The following ZMYM2 variants were observed in gnomAD, a reference collection of about 807,000 sequenced individuals.
ZMYM2 encodes the protein zinc finger MYM-type containing 2, also known as zinc finger MYM-type protein 2.
Under a neutral mutation model 162.8 loss-of-function variants are expected in ZMYM2, and 56 were observed. The ratio of observed to expected loss-of-function variants is 0.34; its 90% CI spans 0.28 to 0.43. The LOEUF is 0.43. ZMYM2 is among the 20% of genes least tolerant of loss of function. ZMYM2 has a pLI of 1.00. For synonymous variants in ZMYM2, 510 were observed against 541.6 expected (o/e 0.94, Z 0.81); for missense variants, 1,275 against 1,621.8 (o/e 0.79, Z 3.67).
At chr13:19,983,596 C>T (rs986908272) in intron 2 of ZMYM2, among the ~76,000 whole-genome samples, 2 of 151,866 alleles carry the variant, frequency 1.3e-5, no homozygotes, top group South Asian at 4.2e-4. Flanking sequence ...TCCTATAATT[C>T]CTTCTTCCTA....
chr13:19,883,926 T>G, the ZMYM2 span, among the ~76,000 whole-genome samples: 638 of 152,294 alleles, frequency 4.2e-3, 6 homozygotes, highest in African/African-American at 0.015. Flanking sequence ...CTGGCTAATT[T>G]CTGTATTTTT....
the ZMYM2 span, among the ~76,000 whole-genome samples, chr13:19,937,933 C>A: frequency 6.6e-6 from 1 of 151,868 alleles, no homozygotes; most frequent in Non-Finnish European, 1.5e-5. Flanking sequence ...ATGATGGTTT[C>A]CAGTTTCATC....
chr13:20,034,275 A>T lies in ZMYM2; in HGVS notation c.1990A>T (p.Ser664Cys). 6.2e-7 allele frequency: 1 copy of T among 1,604,976 alleles called. No homozygotes were observed. The highest frequency in any genetic ancestry group is 8.5e-7 in the Non-Finnish European group (1 of 1,176,598). ...TTAGAACAAAGTGCATCAGTTCTGCAGCAAAACTTGTTCAGATGACTATAA... is the reference window on the plus strand; with the variant it reads ...TTAGAACAAAGTGCATCAGTTCTGCTGCAAAACTTGTTCAGATGACTATAA... Reference protein sequence around the residue: ...EWENKVHQFCSKTCSDDYKKL... With the variant: ...EWENKVHQFCCKTCSDDYKKL... The change falls in exon 11 of 25, where the codon AGC becomes TGC. Residue 664 changes from serine (S) to cysteine (C), a missense_variant. By Grantham distance (112) the Ser-to-Cys change is moderately radical. Coordinates refer to ENST00000610343, the MANE Select transcript of ZMYM2 (RefSeq NM_197968.4).
chr13:19,873,655 C>T, the ZMYM2 span, among the ~76,000 whole-genome samples: 2 of 152,170 alleles, frequency 1.3e-5, no homozygotes, highest in African/African-American at 2.4e-5. Flanking sequence ...GATCCACCCA[C>T]CTTGGCCTCC....
At chr13:19,870,595 C>CCTTCCTTCCTTCCTTTCTTT in the ZMYM2 span, among the ~76,000 whole-genome samples, 61 of 142,822 alleles carry the variant, frequency 4.3e-4, 1 homozygote, top group African/African-American at 1.4e-3. Context: ...TTCCTTCCTT[C>CCTTCCTTCCTTCCTTTCTTT]CTTTCTTTCT....
the ZMYM2 span, among the ~76,000 whole-genome samples, chr13:19,922,791 C>T: frequency 6.6e-6 from 1 of 152,062 alleles, no homozygotes; most frequent in African/African-American, 2.4e-5. Flanking sequence ...TTACAGTGAG[C>T]CGAGATCCCA....
At chr13:19,880,939 A>G in the ZMYM2 span, among the ~76,000 whole-genome samples, 1 of 150,618 alleles carries the variant, frequency 6.6e-6, no homozygotes, top group Non-Finnish European at 1.5e-5. Context: ...CCCAGGCTGG[A>G]GTGCCATGGC....
intron 12 of ZMYM2, among the ~76,000 whole-genome samples, chr13:20,047,717 C>T (rs1206189210): frequency 6.6e-6 from 1 of 152,036 alleles, no homozygotes; most frequent in Non-Finnish European, 1.5e-5. Context: ...ACTGAATGAG[C>T]TGTGTTTTCT....
chr13:19,952,024 G>A, the ZMYM2 span, among the ~76,000 whole-genome samples: 1 of 152,098 alleles, frequency 6.6e-6, no homozygotes, highest in Non-Finnish European at 1.5e-5. Context: ...AGAAAATGTG[G>A]CATATATACA....
In ZMYM2 at chr13:20,086,529, T is replaced by G. The variant is rs916214822; in HGVS notation, c.*515T>G. On this transcript the variant is annotated 3_prime_UTR_variant, in exon 25 of 25. Coordinates refer to ENST00000610343, the MANE Select transcript of ZMYM2 (RefSeq NM_197968.4). The stretch of plus-strand genomic sequence containing the variant: ...GTTTTGGGGTTTTGTTTTGTTTGGT[T>G]TTACATTTTAGTTACTGAAGCCTTA... The G allele has an allele frequency of 4.7e-6, 1 of 214,244 alleles. No homozygotes were observed. The highest frequency in any genetic ancestry group is 2.3e-5 in the African/African-American group (1 of 44,308). 13.3% of individuals were successfully genotyped at this position (214,244 alleles called of 1,614,324 possible). A position where few individuals can be genotyped will look rare whatever the true frequency, so the allele number is the denominator to read the frequency against.
intron 15 of ZMYM2, 75 bp downstream of exon 15, chr13:20,058,779 A>G: frequency 2.6e-6 from 4 of 1,557,562 alleles, no homozygotes; most frequent in Non-Finnish European, 3.5e-6. Context: ...CTTTTCTTGA[A>G]TGACACCTCC....
chr13:20,026,501 A>C, intron 7 of ZMYM2, 111 bp from the exon 8 acceptor site: 1 of 1,059,432 alleles, frequency 9.4e-7, no homozygotes, highest in Non-Finnish European at 1.3e-6. Context: ...AAACCTGTTT[A>C]GAGATTAACA....
intron 13 of ZMYM2, 131 bp downstream of exon 13, chr13:20,051,729 T>G (rs1217610254): frequency 1.1e-6 from 1 of 920,284 alleles, no homozygotes; most frequent in East Asian, 2.8e-5. Flanking sequence ...CCGTAGATTC[T>G]CTGGGTCGAA....
chr13:19,906,544 T>C, the ZMYM2 span, among the ~76,000 whole-genome samples: 14 of 150,256 alleles, frequency 9.3e-5, no homozygotes, highest in Non-Finnish European at 1.8e-4. Context: ...ATATATTTTT[T>C]TTGTTTTCTT....
At chr13:19,992,571 CA>C (rs1012597878) in intron 2 of ZMYM2, among the ~76,000 whole-genome samples, 2 of 151,462 alleles carry the variant, frequency 1.3e-5, no homozygotes, top group Non-Finnish European at 2.9e-5. Context: ...CCCCACCCCC[CA>C]AAAAAGATGA....
chr13:20,012,419 A>G (rs1234509243), intron 6 of ZMYM2, among the ~76,000 whole-genome samples: 2 of 151,998 alleles, frequency 1.3e-5, no homozygotes, highest in Non-Finnish European at 2.9e-5. Context: ...ACTTCAAGTG[A>G]TCTGTCCTTC....
At chr13:19,905,214 A>G in the ZMYM2 span, among the ~76,000 whole-genome samples, 1 of 151,940 alleles carries the variant, frequency 6.6e-6, no homozygotes, top group African/African-American at 2.4e-5. Context: ...GGTTTCACCA[A>G]GTTGCTGAGG....
chr13:20,086,047 C>G lies in ZMYM2; in HGVS notation c.*33C>G. Reference sequence around the variant, plus strand: ...CGTTGCAGAAGCAATCGGGATAAAACAGCATTAGATAGTCATGCTGCTAGA... The same window carrying G: ...CGTTGCAGAAGCAATCGGGATAAAAGAGCATTAGATAGTCATGCTGCTAGA... On this transcript the variant is annotated 3_prime_UTR_variant, in exon 25 of 25. Transcript: ENST00000610343. The G allele has an allele frequency of 6.3e-7, 1 of 1,596,362 alleles. No individual in the cohort carries two copies. The highest frequency in any genetic ancestry group is 8.6e-7 in the Non-Finnish European group (1 of 1,168,304).
At chr13:20,002,522 T>C (rs532006807) in intron 3 of ZMYM2, among the ~76,000 whole-genome samples, 27 of 152,292 alleles carry the variant, frequency 1.8e-4, no homozygotes, top group South Asian at 8.3e-4. Context: ...ACAAAACTTG[T>C]ATATTTATTT....
Sources: gnomAD v4.1 joint callset for allele counts (sites outside exome capture counted in the v4.1 genomes callset) on GRCh38, gnomAD v4.1.1 for gene constraint, MANE v1.5 for transcripts, NCBI Gene and HGNC (gene_info 2026-07-23, HGNC 2026-07-21) for gene names.